The following NLGN4X variants were observed in gnomAD, a reference collection of about 807,000 sequenced individuals.
NLGN4X encodes neuroligin-4, X-linked.
NLGN4X carries 3 observed loss-of-function variants against 40.3 expected under a neutral mutation model. That is an observed-to-expected ratio of 0.07 (90% CI 0.03 to 0.19). The LOEUF is 0.19. NLGN4X is among the 10% of genes least tolerant of loss of function. NLGN4X has a pLI of 1.00. For synonymous variants in NLGN4X, 270 were observed against 306.8 expected, an observed-to-expected ratio of 0.88 and a Z score of 1.25; for missense variants, 382 against 708.3, an observed-to-expected ratio of 0.54 and a Z score of 5.23.
At chrX:5,921,567 C>A (rs1354666081) in intron 3 of NLGN4X, among the ~76,000 whole-genome samples, 2 of 110,528 alleles carry the variant, frequency 1.8e-5, no homozygotes, top group African/African-American at 6.6e-5. Flanking sequence ...TAAGTGAGGG[C>A]AATCTCTCCC....
Position 5,891,225 on chromosome X carries a change from T to C in NLGN4X, c.*1592A>G, listed in dbSNP as rs958067750. On this transcript the variant is annotated 3_prime_UTR_variant, in exon 6 of 6. Coordinates refer to ENST00000381095, the MANE Select transcript of NLGN4X (RefSeq NM_181332.3). ...ACCAATTTAAAATGGGTGAATAATT[T>C]CCATTCAATGTCTTCTCAGTGAAGT... 1 of 233,760 alleles carries C rather than the reference T, an allele frequency of 4.3e-6. No individual in the cohort carries two copies. The highest frequency in any genetic ancestry group is 3.0e-5 in the African/African-American group (1 of 33,548). The allele number at this position is 233,760 out of a possible 1,213,427, so 19.3% of individuals were successfully genotyped here.
At chrX:5,917,315 C>T (rs2032849032) in intron 3 of NLGN4X, among the ~76,000 whole-genome samples, 1 of 112,482 alleles carries the variant, frequency 8.9e-6, no homozygotes, top group South Asian at 3.7e-4. Flanking sequence ...TAGAACCTGG[C>T]CATCTCTTTC....
intron 3 of NLGN4X, among the ~76,000 whole-genome samples, chrX:5,925,879 CACATATATATATATATATAT>C (rs1257551312): frequency 0.076 from 3,544 of 46,724 alleles, 431 homozygotes; most frequent in African/African-American, 0.23. Context: ...TATACATACA[CACATATATATATATATATAT>C]ATATATATAT....
rs138921882 is a variant in NLGN4X, at chrX:5,895,156, T to C, written c.1602-1490A>G. On this transcript the variant is annotated intron_variant, in intron 5 of 5. Coordinates refer to ENST00000381095, the MANE Select transcript of NLGN4X (RefSeq NM_181332.3). Reference sequence around the variant, plus strand: ...ATTTTATCCCCTCAGTCTGAGTCTGTGGTGGTGATAAAATAAATCATTTCC... The same window carrying C: ...ATTTTATCCCCTCAGTCTGAGTCTGCGGTGGTGATAAAATAAATCATTTCC... 3.9e-3 allele frequency among the ~76,000 whole-genome samples: 440 copies of C among 112,431 alleles called. 2 individuals are homozygous for C. Among genetic ancestry groups the C allele is most frequent in the African/African-American group, 0.013 (417 of 31,007 alleles).
At chrX:6,164,798 A>T (rs992974085) in intron 1 of NLGN4X, among the ~76,000 whole-genome samples, 1 of 111,414 alleles carries the variant, frequency 9.0e-6, no homozygotes, top group Non-Finnish European at 1.9e-5. Context: ...CACAGATCCT[A>T]TTTGCTAAGG....
At chrX:5,995,996 T>G (rs1424644187) in intron 3 of NLGN4X, among the ~76,000 whole-genome samples, 2 of 111,956 alleles carry the variant, frequency 1.8e-5, no homozygotes, top group Non-Finnish European at 1.9e-5. Flanking sequence ...ACAATTAAAC[T>G]TTTTTTATAA....
At chrX:5,965,350 C>T (rs915243144) in intron 3 of NLGN4X, among the ~76,000 whole-genome samples, 2 of 111,961 alleles carry the variant, frequency 1.8e-5, no homozygotes, top group African/African-American at 6.5e-5. Flanking sequence ...GTGGGATAGT[C>T]AATAAATGGA....
intron 2 of NLGN4X, among the ~76,000 whole-genome samples, chrX:6,058,834 T>G: frequency 8.9e-6 from 1 of 112,105 alleles, no homozygotes; most frequent in Middle Eastern, 4.7e-3. Context: ...AACACTTAAG[T>G]GACAATATAC....
chrX:5,954,679 A>G (rs1174126171), intron 3 of NLGN4X, among the ~76,000 whole-genome samples: 1 of 102,094 alleles, frequency 9.8e-6, no homozygotes, highest in Non-Finnish European at 2.0e-5. Context: ...TCTCTTGCTC[A>G]ATATTTCTCA....
intron 3 of NLGN4X, among the ~76,000 whole-genome samples, chrX:5,923,789 G>A (rs1316602354): frequency 9.0e-6 from 1 of 111,406 alleles, no homozygotes; most frequent in Non-Finnish European, 1.9e-5. Context: ...AGCCTTTTGG[G>A]GAAATACTTT....
At chrX:5,952,605 A>T (rs2034349609) in intron 3 of NLGN4X, among the ~76,000 whole-genome samples, 1 of 111,443 alleles carries the variant, frequency 9.0e-6, no homozygotes, top group South Asian at 3.8e-4. Context: ...AATAAGTGGT[A>T]CTAATGTATA....
At chrX:6,207,924 G>A (rs1924177809) in intron 1 of NLGN4X, among the ~76,000 whole-genome samples, 2 of 111,578 alleles carry the variant, frequency 1.8e-5, no homozygotes, top group Admixed American at 9.6e-5. Flanking sequence ...GAATCTCTGC[G>A]GTTAATAATA....
intron 2 of NLGN4X, among the ~76,000 whole-genome samples, chrX:6,100,863 CAT>C (rs769621159): frequency 9.0e-6 from 1 of 111,103 alleles, no homozygotes; most frequent in African/African-American, 3.3e-5. Context: ...ATACGATAAA[CAT>C]ATATACCATG....
chrX:6,035,482 G>T (rs981576510), intron 2 of NLGN4X, among the ~76,000 whole-genome samples: 11 of 111,485 alleles, frequency 9.9e-5, no homozygotes, highest in Admixed American at 8.6e-4. Flanking sequence ...TAATTTTTGG[G>T]TACAATAAGA....
At chrX:6,089,789 A>G (rs56810250) in intron 2 of NLGN4X, among the ~76,000 whole-genome samples, 1,765 of 112,224 alleles carry the variant, frequency 0.016, 30 homozygotes, top group African/African-American at 0.054. Flanking sequence ...AAAGTTGGAT[A>G]TGCTTGCTGT....
intron 3 of NLGN4X, among the ~76,000 whole-genome samples, chrX:5,925,843 TAC>T (rs1569134227): frequency 3.8e-5 from 2 of 52,773 alleles, no homozygotes; most frequent in African/African-American, 2.2e-4. Flanking sequence ...TATATATATA[TAC>T]ATACACATAT....
chrX:6,172,135 C>T (rs1223654156), intron 1 of NLGN4X, among the ~76,000 whole-genome samples: 4 of 111,603 alleles, frequency 3.6e-5, no homozygotes, highest in Non-Finnish European at 1.9e-5. Flanking sequence ...TACCCAGTCT[C>T]GGGTATTTCT....
intron 2 of NLGN4X, among the ~76,000 whole-genome samples, chrX:6,124,390 T>C (rs1408631487): frequency 1.8e-5 from 2 of 111,948 alleles, no homozygotes; most frequent in Non-Finnish European, 3.8e-5. Context: ...AAAATGTAAT[T>C]GAGGATATAG....
chrX:6,126,759 G>A (rs904750090), intron 2 of NLGN4X, among the ~76,000 whole-genome samples: 1 of 112,030 alleles, frequency 8.9e-6, no homozygotes, highest in African/African-American at 3.2e-5. Context: ...AGCAAAGACA[G>A]AAGAATGTTG....
Sources: gnomAD v4.1 joint callset for allele counts (sites outside exome capture counted in the v4.1 genomes callset) on GRCh38, gnomAD v4.1.1 for gene constraint, MANE v1.5 for transcripts, NCBI Gene and HGNC (gene_info 2026-07-23, HGNC 2026-07-21) for gene names.